Variants in TIAM1 observed in about 807,000 individuals in gnomAD.
TIAM1 encodes the protein rho guanine nucleotide exchange factor TIAM1.
Under a neutral mutation model 163.5 loss-of-function variants are expected in TIAM1, and 65 were observed. The ratio of observed to expected loss-of-function variants is 0.40; its 90% confidence interval spans 0.33 to 0.49. The LOEUF (loss-of-function observed/expected upper bound fraction) is 0.49, where lower values mean the gene tolerates loss of function less well. Ranked by LOEUF, TIAM1 falls within the 20% of genes least tolerant of loss-of-function variation. TIAM1 has a pLI of 0.77. For synonymous variants in TIAM1, 833 were observed against 810.1 expected, an observed-to-expected ratio of 1.03 and a Z score of -0.48; for missense variants, 1,789 against 2,044.7, an observed-to-expected ratio of 0.87 and a Z score of 2.41.
At chr21:31,250,255 T>G (rs1257163542) in intron 5 of TIAM1, among the ~76,000 whole-genome samples, 1 of 152,066 alleles carries the variant, frequency 6.6e-6, no homozygotes, top group East Asian at 1.9e-4. Context: ...AGAAAAGAGT[T>G]ATCACACAAG....
chr21:31,551,978 C>G (rs11909835), intron 1 of TIAM1, among the ~76,000 whole-genome samples: 3,536 of 147,982 alleles, frequency 0.024, 149 homozygotes, highest in African/African-American at 0.084. Flanking sequence ...AAGACTGTTA[C>G]AATACTTTTC....
At chr21:31,370,331 T>C (rs986115237) in intron 2 of TIAM1, among the ~76,000 whole-genome samples, 3 of 152,238 alleles carry the variant, frequency 2.0e-5, no homozygotes, top group African/African-American at 4.8e-5. Flanking sequence ...ACAGGCAATA[T>C]GGCTTTTCTT....
intron 8 of TIAM1, among the ~76,000 whole-genome samples, chr21:31,218,467 G>A (rs2087340757): frequency 6.6e-6 from 1 of 152,052 alleles, no homozygotes; most frequent in Non-Finnish European, 1.5e-5. Context: ...TACTTGGGAA[G>A]CTGAGACAGG....
chr21:31,394,687 T>G (rs935247146), intron 2 of TIAM1, among the ~76,000 whole-genome samples: 3 of 104,020 alleles, frequency 2.9e-5, no homozygotes, highest in South Asian at 3.4e-4. Context: ...AATCTACTCA[T>G]TCTCTCTCTC....
intron 2 of TIAM1, among the ~76,000 whole-genome samples, chr21:31,382,956 T>C (rs1445817901): frequency 1.3e-5 from 2 of 152,166 alleles, no homozygotes; most frequent in Non-Finnish European, 2.9e-5. Context: ...GTGTAAAACA[T>C]AGGCCAGGCG....
chr21:31,225,986 C>A lies in TIAM1; in HGVS notation c.1585-36G>T, dbSNP rs2087943705. 4 of 1,585,170 alleles carry A rather than the reference C, an allele frequency of 2.5e-6. No homozygotes were observed. The African/African-American group carries it at 5.4e-5, about 21-fold the overall frequency. ...AAGAAGGGGCAGGAAGAAAAAGGCA[C>A]CTCTTAGGAACTTAAGAGAAATGAA... On this transcript the variant is annotated intron_variant, in intron 6 of 27. Coordinates refer to ENST00000541036, the MANE Select transcript of TIAM1 (RefSeq NM_001353694.2).
intron 6 of TIAM1, among the ~76,000 whole-genome samples, chr21:31,235,854 C>T (rs2088723862): frequency 6.6e-6 from 1 of 152,160 alleles, no homozygotes; most frequent in Non-Finnish European, 1.5e-5. Flanking sequence ...GAGGCACCCA[C>T]AAGAAGGCAT....
At chr21:31,385,893 AT>A (rs1446274328) in intron 2 of TIAM1, among the ~76,000 whole-genome samples, 7 of 51,364 alleles carry the variant, frequency 1.4e-4, no homozygotes, top group South Asian at 5.3e-4. Flanking sequence ...TAATATAATT[AT>A]ATTAGTTAAT....
intron 2 of TIAM1, among the ~76,000 whole-genome samples, chr21:31,366,037 AG>A (rs2076499716): frequency 7.1e-6 from 1 of 141,196 alleles, no homozygotes; most frequent in African/African-American, 2.6e-5. Flanking sequence ...CAGTGAGCCG[AG>A]GTAGCTCCAC....
intron 15 of TIAM1, among the ~76,000 whole-genome samples, 154 bp from the exon 16 acceptor site, chr21:31,165,219 A>G (rs1162325765): frequency 6.6e-6 from 1 of 152,204 alleles, no homozygotes; most frequent in Non-Finnish European, 1.5e-5. Flanking sequence ...GCTCAATCAA[A>G]TTAAAATGAT....
Position 31,118,599 on chromosome 21 carries a change from T to A in TIAM1, c.*1769A>T, listed in dbSNP as rs1201929520. 2.1e-6 allele frequency: 1 copy of A among 471,496 alleles called. No individual in the cohort carries two copies. The highest frequency in any genetic ancestry group is 2.3e-5 in the Admixed American group (1 of 42,570). The allele number at this position is 471,496 out of a possible 1,614,324, so 29.2% of individuals were successfully genotyped here. ...CCTCTCCAAGCACCAGACTTCCGAG[T>A]GTTTTCAGATGGATGTGTTGCACTG... On this transcript the variant is annotated 3_prime_UTR_variant, in exon 28 of 28. Coordinates refer to ENST00000541036, the MANE Select transcript of TIAM1 (RefSeq NM_001353694.2).
rs535225170 is a variant in TIAM1 at position 31,270,358 on chromosome 21, T to C, written c.-11-3375A>G. On this transcript the variant is annotated intron_variant, in intron 3 of 27. Transcript: ENST00000541036. ...AGGAGGACAGGCTGAAATGCAAAAA[T>C]TGGGATTGACATTGAAAAGGTGGAT... is the stretch of plus-strand genomic sequence containing the variant. Among the ~76,000 whole-genome samples the C allele has an allele frequency of 3.9e-5, 6 of 152,162 alleles. No homozygotes were observed. In the East Asian group the frequency reaches 5.8e-4, roughly 15 times the overall value.
intron 19 of TIAM1, among the ~76,000 whole-genome samples, chr21:31,151,026 A>C (rs2083346278): frequency 6.6e-6 from 1 of 152,232 alleles, no homozygotes; most frequent in Non-Finnish European, 1.5e-5. Context: ...TTAAAATTAG[A>C]ACCATAATGA....
intron 1 of TIAM1, among the ~76,000 whole-genome samples, chr21:31,491,438 G>A (rs993824220): frequency 3.9e-5 from 6 of 152,190 alleles, no homozygotes; most frequent in Admixed American, 2.6e-4. Context: ...AAAAGACAAT[G>A]TGTCAGATTG....
chr21:31,276,752 C>T lies in TIAM1; in HGVS notation c.-32G>A, dbSNP rs1363720079. The T allele has an allele frequency of 6.6e-6, 1 of 152,146 alleles. No homozygotes were observed. Among genetic ancestry groups the T allele is most frequent in the Non-Finnish European group, 1.5e-5 (1 of 68,024 alleles). The allele number at this position is 152,146 out of a possible 1,614,324, so 9.4% of individuals were successfully genotyped here. On this transcript the variant is annotated 5_prime_UTR_variant, in exon 3 of 28. Coordinates refer to ENST00000541036, the MANE Select transcript of TIAM1 (RefSeq NM_001353694.2). ...CCTACCTTAAAAGGCAACAGTGGTCCCCAGCCCAACTTGCTCCAAGAGCAC... is the reference window on the plus strand; with the variant it reads ...CCTACCTTAAAAGGCAACAGTGGTCTCCAGCCCAACTTGCTCCAAGAGCAC...
intron 6 of TIAM1, among the ~76,000 whole-genome samples, chr21:31,233,802 T>C (rs1487430622): frequency 6.6e-6 from 1 of 152,212 alleles, no homozygotes. Context: ...GTTCATTCTT[T>C]GGAGAAGAAA....
intron 1 of TIAM1, among the ~76,000 whole-genome samples, chr21:31,550,726 A>G (rs967916916): frequency 1.3e-5 from 2 of 152,248 alleles, no homozygotes; most frequent in African/African-American, 4.8e-5. Flanking sequence ...TACCAACACA[A>G]CATTACCACT....
intron 2 of TIAM1, among the ~76,000 whole-genome samples, chr21:31,349,494 G>A (rs1015952869): frequency 2.6e-5 from 4 of 152,152 alleles, no homozygotes; most frequent in Admixed American, 1.3e-4. Flanking sequence ...GTTCACGGGG[G>A]GTAAAAGCAT....
intron 2 of TIAM1, among the ~76,000 whole-genome samples, chr21:31,330,528 T>C (rs1023263762): frequency 6.6e-6 from 1 of 152,174 alleles, no homozygotes; most frequent in Non-Finnish European, 1.5e-5. Context: ...AACCTCCCCA[T>C]CCCAGGCTCA....
Sources: allele counts gnomAD v4.1 joint callset (sites outside exome capture counted in the v4.1 genomes callset), GRCh38; gene constraint gnomAD v4.1.1; transcripts MANE v1.5; gene names NCBI Gene and HGNC (gene_info 2026-07-23, HGNC 2026-07-21).